RCOR3: variants seen among roughly 807,000 people sequenced by gnomAD.
The protein encoded by RCOR3 is REST corepressor 3.
A neutral mutation model predicts 64.1 loss-of-function variants in RCOR3; 13 were observed. The ratio of observed to expected loss-of-function variants is 0.20; its 90% confidence interval spans 0.13 to 0.32. RCOR3 has a LOEUF of 0.32. RCOR3 is among the 10% of genes least tolerant of loss of function. RCOR3 has a pLI of 1.00. For missense variants in RCOR3, 489 were observed against 701.2 expected (o/e 0.70, Z 3.42); for synonymous variants, 215 against 239.0 (o/e 0.90, Z 0.93).
chr1:211,297,789 A>C (rs996639750), intron 9 of RCOR3, among the ~76,000 whole-genome samples: 2 of 152,178 alleles, frequency 1.3e-5, no homozygotes, highest in South Asian at 4.1e-4. Flanking sequence ...GAGGAAGGCA[A>C]CTTGAATAGA....
intron 9 of RCOR3, 120 bp downstream of exon 9, chr1:211,295,873 G>T: frequency 1.3e-5 from 8 of 624,800 alleles, no homozygotes; most frequent in South Asian, 8.6e-5. Context: ...TTCATAATAT[G>T]GATAATTTAT....
At position 211,313,000 on chromosome 1, in the gene RCOR3, G is replaced by A. The variant is rs778127751; in HGVS notation, c.1317+39G>A. On this transcript the variant is annotated intron_variant, in intron 11 of 11. Coordinates refer to ENST00000419091, the MANE Select transcript of RCOR3 (RefSeq NM_001136223.3). This position sits in a 1 kb window ranked among gnomAD's most constrained non-coding sequence, Gnocchi z 5.0. ...TGGAATTTGAGCTAATATGAGTTGA[G>A]GAATCACCATTTTGTGTGGTATTCT... 6.2e-7 allele frequency: 1 copy of A among 1,612,372 alleles called. No homozygotes were observed. Among genetic ancestry groups the A allele is most frequent in the Non-Finnish European group, 8.5e-7 (1 of 1,178,910 alleles).
chr1:211,306,842 G>T lies in RCOR3; in HGVS notation c.1075+2702G>T, dbSNP rs192662031. On this transcript the variant is annotated intron_variant, in intron 10 of 11. Coordinates refer to ENST00000419091, the MANE Select transcript of RCOR3 (RefSeq NM_001136223.3). Reference sequence around the variant, plus strand: ...ATGTCTGTTTACACTTTTGTAATCAGTCACTTTATTATGTTAATTCTAGTT... The same window carrying T: ...ATGTCTGTTTACACTTTTGTAATCATTCACTTTATTATGTTAATTCTAGTT... Among the ~76,000 whole-genome samples the T allele has an allele frequency of 2.0e-4, 31 of 152,244 alleles. No individual in the cohort carries two copies. In the East Asian group the frequency reaches 5.8e-3, roughly 28 times the overall value.
At chr1:211,290,691 C>A (rs1004029934) in intron 8 of RCOR3, among the ~76,000 whole-genome samples, 2 of 152,100 alleles carry the variant, frequency 1.3e-5, no homozygotes, top group African/African-American at 4.8e-5. Flanking sequence ...TTGATTCTTT[C>A]TATTACTTCT....
At chr1:211,286,308 T>G (rs1231976093) in intron 7 of RCOR3, among the ~76,000 whole-genome samples, 1 of 79,764 alleles carries the variant, frequency 1.3e-5, no homozygotes, top group Non-Finnish European at 2.3e-5. Context: ...TCTATATTTC[T>G]TTTCTTTTTT....
chr1:211,294,364 C>A (rs1433385259), intron 8 of RCOR3, among the ~76,000 whole-genome samples: 1 of 152,072 alleles, frequency 6.6e-6, no homozygotes, highest in Non-Finnish European at 1.5e-5. Context: ...AAGCAACCTT[C>A]AGGTTTTTTT....
chr1:211,282,275 C>T (rs1333373987), intron 7 of RCOR3, among the ~76,000 whole-genome samples: 1 of 151,474 alleles, frequency 6.6e-6, no homozygotes, highest in Non-Finnish European at 1.5e-5. Flanking sequence ...CATTTCTCTG[C>T]TCATTCCAAA....
In RCOR3 at chr1:211,274,465, TTTTC is replaced by T. The variant is rs561285001; in HGVS notation, c.354+208_354+211del. Among the ~76,000 whole-genome samples the T allele has an allele frequency of 3.0e-3, 456 of 152,254 alleles. 3 individuals are homozygous for T. The highest frequency in any genetic ancestry group is 0.01 in the African/African-American group (427 of 41,580). ...TTATTCATCTCAAGGGCTTAAATGT[TTTTC>T]TTTCAATATATCTGTTTCTTATTCT... On this transcript the variant is annotated intron_variant, in intron 4 of 11. Transcript: ENST00000419091.
Position 211,316,060 on chromosome 1 carries a change from A to G in RCOR3, c.*2292A>G, listed in dbSNP as rs1207737271. The G allele has an allele frequency of 6.6e-6, 1 of 152,212 alleles. No homozygotes were observed. The highest frequency in any genetic ancestry group is 2.4e-5 in the African/African-American group (1 of 41,446). 9.4% of individuals were successfully genotyped at this position (152,212 alleles called of 1,614,324 possible). Reference sequence around the variant, plus strand: ...TATATAATTTCATGTTCTATGAGGAATTTAGTACCTCTTCACTGTGAAATT... The same window carrying G: ...TATATAATTTCATGTTCTATGAGGAGTTTAGTACCTCTTCACTGTGAAATT... On this transcript the variant is annotated 3_prime_UTR_variant, in exon 12 of 12. Transcript: ENST00000419091.
intron 2 of RCOR3, among the ~76,000 whole-genome samples, 173 bp downstream of exon 2, chr1:211,260,337 G>A (rs1389132135): frequency 6.6e-6 from 1 of 152,202 alleles, no homozygotes; most frequent in Non-Finnish European, 1.5e-5. Context: ...GGGCGTGTGG[G>A]CAGATGTGTG....
chr1:211,315,406 T>G lies in RCOR3; in HGVS notation c.*1638T>G, dbSNP rs1415981060. ...GTATTTCCATAAATACCCTACGTAC[T>G]GGCATATTTGAAACTCTTTTTCCAG... On this transcript the variant is annotated 3_prime_UTR_variant, in exon 12 of 12. Transcript: ENST00000419091. 1 of 152,218 alleles carries G rather than the reference T, an allele frequency of 6.6e-6. No individual in the cohort carries two copies. The highest frequency in any genetic ancestry group is 2.4e-5 in the African/African-American group (1 of 41,456). 9.4% of individuals were successfully genotyped at this position (152,218 alleles called of 1,614,324 possible).
At chr1:211,262,675 A>ACATG (rs759476105) in intron 2 of RCOR3, among the ~76,000 whole-genome samples, 5 of 152,194 alleles carry the variant, frequency 3.3e-5, no homozygotes, top group African/African-American at 1.2e-4. Flanking sequence ...ACAAACTTGT[A>ACATG]CATGCCATAG....
At chr1:211,264,509 C>T (rs1361784785) in intron 2 of RCOR3, among the ~76,000 whole-genome samples, 2 of 142,426 alleles carry the variant, frequency 1.4e-5, no homozygotes, top group Non-Finnish European at 3.1e-5. Context: ...TAGTGGGACC[C>T]TGTCTCCACA....
chr1:211,308,673 G>GT (rs545513442), intron 10 of RCOR3, among the ~76,000 whole-genome samples: 14,983 of 40,034 alleles, frequency 0.37, 1,482 homozygotes, highest in Non-Finnish European at 0.4. Flanking sequence ...TTTTTTTTTT[G>GT]TTTTTTTTTT....
At chr1:211,279,679 T>G (rs1466949579) in intron 7 of RCOR3, among the ~76,000 whole-genome samples, 1 of 152,224 alleles carries the variant, frequency 6.6e-6, no homozygotes, top group Non-Finnish European at 1.5e-5. Context: ...AATTTTGTGT[T>G]TTACTGATTT....
At position 211,295,746 on chromosome 1, in the gene RCOR3, C is replaced by T; in HGVS notation, c.1010C>T (p.Pro337Leu). ...GAAGGTGGAATTGAAGAATTCAAAC[C>T]TCCTGAGGTATGTTATTGAAGGATA... Reference protein sequence around the residue: ...KMEGGIEEFKPPESNQKINAR... With the variant: ...KMEGGIEEFKLPESNQKINAR... Residue 337 changes from proline (P) to leucine (L), a missense_variant, in exon 9 of 12, where the codon CCT (proline) becomes CTT (leucine). Pro to Leu is a moderately conservative substitution (Grantham distance 98, BLOSUM62 -3). Around this residue, in one of 2 missense-constraint regions of RCOR3, gnomAD observed 402 missense variants for 617.0 expected, o/e 0.65. Coordinates refer to ENST00000419091, the MANE Select transcript of RCOR3 (RefSeq NM_001136223.3). 1 of 1,612,692 alleles carries T rather than the reference C, an allele frequency of 6.2e-7. No individual in the cohort carries two copies. The highest frequency in any genetic ancestry group is 1.1e-5 in the South Asian group (1 of 91,060).
At position 211,276,391 on chromosome 1, in the gene RCOR3, A is replaced by G; in HGVS notation, c.489A>G (p.Gly163=). The G allele has an allele frequency of 5.6e-6, 9 of 1,613,204 alleles. No individual in the cohort carries two copies. The highest frequency in any genetic ancestry group is 7.6e-6 in the Non-Finnish European group (9 of 1,179,424). Residue 163 remains glycine (G), a synonymous_variant, in exon 5 of 12, where the codon GGA becomes GGG. Coordinates refer to ENST00000419091, the MANE Select transcript of RCOR3 (RefSeq NM_001136223.3). ...TTGAACAAGCCTTTAGTTTTCATGG[A>G]AAGAGCTTTCACAGGATTCAGCAAA... The part of the protein sequence containing the change: ...VLFEQAFSFH[G]KSFHRIQQML...
At chr1:211,295,795 C>T in intron 9 of RCOR3, 42 bp downstream of exon 9, 1 of 1,550,246 alleles carries the variant, frequency 6.5e-7, no homozygotes. Context: ...ATAGTGAAAA[C>T]TTGTTTTTTC....
chr1:211,280,166 T>A (rs950223724), intron 7 of RCOR3, among the ~76,000 whole-genome samples: 2 of 152,198 alleles, frequency 1.3e-5, no homozygotes, highest in African/African-American at 4.8e-5. Context: ...GGCAGCTGTT[T>A]TGAACATTCT....
Sources: allele counts gnomAD v4.1 joint callset (sites outside exome capture counted in the v4.1 genomes callset), GRCh38; gene constraint gnomAD v4.1.1; regional missense constraint gnomAD v4.1.1; non-coding constraint Gnocchi (gnomAD v3.1); transcripts MANE v1.5; gene names NCBI Gene and HGNC (gene_info 2026-07-23, HGNC 2026-07-21).